HDAC4: variants seen among roughly 807,000 people sequenced by gnomAD.
HDAC4 encodes histone deacetylase A.
In HDAC4, 16 loss-of-function variants were observed where a neutral mutation model predicts 135.1. The observed-to-expected ratio is 0.12, with a 90% confidence interval of 0.08 to 0.18. The LOEUF (loss-of-function observed/expected upper bound fraction) is 0.18, where lower values mean the gene tolerates loss of function less well. HDAC4 is among the 10% of genes least tolerant of loss of function. HDAC4 has a pLI of 1.00. For missense variants in HDAC4, 1,143 were observed against 1,511.8 expected (o/e 0.76, Z 4.05); for synonymous variants, 685 against 653.4 (o/e 1.05, Z -0.74).
intron 2 of HDAC4, among the ~76,000 whole-genome samples, chr2:239,348,551 A>T (rs1295860579): frequency 6.6e-6 from 1 of 152,156 alleles, no homozygotes; most frequent in Non-Finnish European, 1.5e-5. Context: ...GAATGGGAGA[A>T]AAAAAAGGAG....
At chr2:239,266,268 G>A (rs960531659) in intron 2 of HDAC4, among the ~76,000 whole-genome samples, 1 of 152,196 alleles carries the variant, frequency 6.6e-6, no homozygotes, top group Non-Finnish European at 1.5e-5. Flanking sequence ...TGGGAAACGT[G>A]CCCCTGATTC....
rs532106734 is a variant in HDAC4 at position 239,062,519 on chromosome 2, T to G, written c.3003+4203A>C. ...TTTGACGTGTTTAAGTAAAAGAACA[T>G]TTTCTTGTTAGAAGCGCAAACACGC... On this transcript the variant is annotated intron_variant, in intron 24 of 26. Transcript: ENST00000543185. 1.7e-4 allele frequency among the ~76,000 whole-genome samples: 26 copies of G among 152,348 alleles called. 1 individual carries two copies. The South Asian group carries it at 5.4e-3, about 32-fold the overall frequency.
At chr2:239,085,268 TAG>T (rs904505847) in intron 19 of HDAC4, among the ~76,000 whole-genome samples, 6 of 152,156 alleles carry the variant, frequency 3.9e-5, no homozygotes, top group African/African-American at 1.4e-4. Context: ...CCTTTAATTT[TAG>T]AGAGTCTTAC....
chr2:239,236,561 C>T lies in HDAC4; in HGVS notation c.94+32G>A, dbSNP rs111775113. 2,735 of 1,535,478 alleles carry T rather than the reference C, an allele frequency of 1.8e-3. 13 individuals are homozygous for T. Among genetic ancestry groups the T allele is most frequent in the African/African-American group, 0.012 (853 of 72,800 alleles). On this transcript the variant is annotated intron_variant, in intron 3 of 26. Coordinates refer to ENST00000543185, the MANE Select transcript of HDAC4 (RefSeq NM_001378414.1). ...ACACCTCTTTGGCTCAGCGCAGGGC[C>T]GGCCGGACAGGGCAGGGGTGGGCGG...
intron 21 of HDAC4, among the ~76,000 whole-genome samples, chr2:239,081,838 C>T (rs1400010594): frequency 1.3e-5 from 2 of 152,234 alleles, no homozygotes; most frequent in Non-Finnish European, 2.9e-5. Context: ...CACACCTCCT[C>T]CTTCACAAAC....
chr2:239,121,350 T>TCATAGC (rs2039670951), intron 12 of HDAC4, among the ~76,000 whole-genome samples: 4 of 151,860 alleles, frequency 2.6e-5, no homozygotes, highest in Middle Eastern at 3.2e-3. Flanking sequence ...GTGGAGGTAG[T>TCATAGC]GGGGGTCATA....
rs970730126 is a variant in HDAC4, at chr2:239,115,702, C to T, written c.1534-392G>A. 3.9e-5 allele frequency among the ~76,000 whole-genome samples: 6 copies of T among 152,178 alleles called. No homozygotes were observed. The highest frequency in any genetic ancestry group is 3.9e-4 in the Admixed American group (6 of 15,290). On this transcript the variant is annotated intron_variant, in intron 12 of 26. Transcript: ENST00000543185. This position sits in a 1 kb window ranked among gnomAD's most constrained non-coding sequence, Gnocchi z 6.3. Reference sequence around the variant, plus strand: ...GCCAATGCTGACCTCACAGCCACAACTGCTAAGAGAAACAGCCCACCACCC... The same window carrying T: ...GCCAATGCTGACCTCACAGCCACAATTGCTAAGAGAAACAGCCCACCACCC...
intron 16 of HDAC4, 150 bp from the exon 17 acceptor site, chr2:239,095,206 C>T (rs2036904657): frequency 3.7e-6 from 3 of 821,006 alleles, no homozygotes; most frequent in African/African-American, 1.7e-5. Context: ...ACCCTGTGGC[C>T]CTGCTGCAGG....
chr2:239,335,185 T>G (rs757063349), intron 2 of HDAC4, among the ~76,000 whole-genome samples: 5 of 152,176 alleles, frequency 3.3e-5, no homozygotes, highest in East Asian at 3.9e-4. Context: ...TACACAGATA[T>G]GCAAACAGAC....
intron 1 of HDAC4, among the ~76,000 whole-genome samples, chr2:239,373,984 A>G (rs1262302906): frequency 6.6e-6 from 1 of 152,186 alleles, no homozygotes; most frequent in Non-Finnish European, 1.5e-5. Context: ...TTGACCAGCC[A>G]CTGAAAAAGT....
At chr2:239,228,865 G>C (rs1358796045) in intron 3 of HDAC4, among the ~76,000 whole-genome samples, 1 of 152,154 alleles carries the variant, frequency 6.6e-6, no homozygotes, top group East Asian at 1.9e-4. Flanking sequence ...ACAAGGGCTG[G>C]GCACAGTCGT....
chr2:239,101,372 G>A (rs1290567063), intron 16 of HDAC4, among the ~76,000 whole-genome samples: 3 of 152,348 alleles, frequency 2.0e-5, no homozygotes, highest in East Asian at 1.9e-4. Context: ...ATGAAGGCGT[G>A]AGCGAGTGAG....
chr2:239,104,944 G>A (rs907734659), intron 15 of HDAC4, among the ~76,000 whole-genome samples: 1 of 152,254 alleles, frequency 6.6e-6, no homozygotes, highest in Non-Finnish European at 1.5e-5. Flanking sequence ...AAAGCTCTGC[G>A]ACACCGCGAC....
At chr2:239,081,854 T>C (rs148847978) in intron 21 of HDAC4, among the ~76,000 whole-genome samples, 1 of 152,238 alleles carries the variant, frequency 6.6e-6, no homozygotes, top group Admixed American at 6.5e-5. Context: ...CAAACACCTC[T>C]GTCTGCCTGG....
chr2:239,150,368 GAAACACAGATACAC>G (rs2042036220), intron 7 of HDAC4, among the ~76,000 whole-genome samples: 1 of 150,100 alleles, frequency 6.7e-6, no homozygotes, highest in African/African-American at 2.5e-5. Context: ...CACACACACA[GAAACACAGATACAC>G]AAACACAGAA....
chr2:239,396,982 C>T (rs949980327), intron 1 of HDAC4, among the ~76,000 whole-genome samples: 1 of 152,264 alleles, frequency 6.6e-6, no homozygotes, highest in Non-Finnish European at 1.5e-5. Flanking sequence ...TCTAGTTCTG[C>T]AGTCCCACAC....
intron 18 of HDAC4, among the ~76,000 whole-genome samples, 166 bp from the exon 19 acceptor site, chr2:239,087,780 G>A (rs947691105): frequency 6.6e-6 from 1 of 152,198 alleles, no homozygotes; most frequent in Non-Finnish European, 1.5e-5. Context: ...GGCCAGCTGG[G>A]AGCCTTTCCG....
chr2:239,376,659 A>T (rs907892430), intron 1 of HDAC4, among the ~76,000 whole-genome samples: 1 of 152,216 alleles, frequency 6.6e-6, no homozygotes, highest in African/African-American at 2.4e-5. Flanking sequence ...ATTGCCCGGG[A>T]CGCCTAGTTT....
At position 239,252,314 on chromosome 2, in the gene HDAC4, T is replaced by C. The variant is rs2048826422; in HGVS notation, c.23-15650A>G. Reference sequence around the variant, plus strand: ...ATGGGTGCCAGGATGCTCTCCAACCTTGCAGGACTGAGAGGACTGGACTAA... The same window carrying C: ...ATGGGTGCCAGGATGCTCTCCAACCCTGCAGGACTGAGAGGACTGGACTAA... On this transcript the variant is annotated intron_variant, in intron 2 of 26. Transcript: ENST00000543185. Among the ~76,000 whole-genome samples the C allele has an allele frequency of 3.3e-5, 5 of 152,156 alleles. No individual in the cohort carries two copies. The South Asian group carries it at 1.0e-3, about 31-fold the overall frequency.
Sources: gnomAD v4.1 joint callset for allele counts (sites outside exome capture counted in the v4.1 genomes callset) on GRCh38, gnomAD v4.1.1 for gene constraint, Gnocchi (gnomAD v3.1) non-coding constraint, MANE v1.5 for transcripts, NCBI Gene and HGNC (gene_info 2026-07-23, HGNC 2026-07-21) for gene names.